The following STS variants were observed in gnomAD, a reference collection of about 807,000 sequenced individuals.
STS encodes the protein steroid sulfatase, also known as steryl-sulfatase.
Under a neutral mutation model 26.8 loss-of-function variants are expected in STS, and 7 were observed. That is an observed-to-expected ratio of 0.26 (90% CI 0.15 to 0.49). STS has a LOEUF of 0.49. Ranked by LOEUF, STS falls within the 20% of genes least tolerant of loss-of-function variation. STS has a pLI of 0.98. For synonymous variants in STS, 199 were observed against 189.4 expected (o/e 1.05, Z -0.42); for missense variants, 434 against 465.6 (o/e 0.93, Z 0.63).
chrX:7,170,371 T>C (rs1461015462), intron 1 of STS, among the ~76,000 whole-genome samples: 1 of 111,366 alleles, frequency 9.0e-6, no homozygotes, highest in East Asian at 2.8e-4. Flanking sequence ...AATCAAAACA[T>C]TCAATTGTAC....
chrX:7,278,699 G>A (rs1218484698), intron 7 of STS, among the ~76,000 whole-genome samples: 1 of 111,506 alleles, frequency 9.0e-6, no homozygotes, highest in Non-Finnish European at 1.9e-5. Context: ...ACCACACAAG[G>A]GCAGTTGAAA....
intron 10 of STS, among the ~76,000 whole-genome samples, chrX:7,345,807 G>A (rs1240023068): frequency 2.7e-5 from 3 of 112,099 alleles, no homozygotes; most frequent in East Asian, 2.8e-4. Context: ...ACTCCAAGAC[G>A]TTAAGAGGGA....
At chrX:7,246,760 C>T (rs1280117054) in intron 2 of STS, among the ~76,000 whole-genome samples, 1 of 112,163 alleles carries the variant, frequency 8.9e-6, no homozygotes, top group African/African-American at 3.2e-5. Context: ...TAGTTACACT[C>T]TCAGTCTGTG....
chrX:7,191,613 G>A (rs764814072), intron 2 of STS, among the ~76,000 whole-genome samples: 58 of 111,453 alleles, frequency 5.2e-4, no homozygotes, highest in Non-Finnish European at 9.6e-4. Context: ...GAAGGTTGAG[G>A]GTATATCCAG....
At chrX:7,222,107 C>A (rs959446792) in intron 2 of STS, among the ~76,000 whole-genome samples, 6 of 111,643 alleles carry the variant, frequency 5.4e-5, no homozygotes, top group African/African-American at 1.6e-4. Flanking sequence ...AACCAGGAAG[C>A]AAGTCCTCAC....
At chrX:7,235,794 A>T (rs532741264) in intron 2 of STS, among the ~76,000 whole-genome samples, 1 of 111,722 alleles carries the variant, frequency 9.0e-6, no homozygotes, top group South Asian at 3.7e-4. Context: ...TGAAAAACAT[A>T]GGGAAATTAA....
At chrX:7,206,329 T>C (rs1427715774) in intron 2 of STS, among the ~76,000 whole-genome samples, 2 of 112,410 alleles carry the variant, frequency 1.8e-5, no homozygotes, top group African/African-American at 6.5e-5. Context: ...CAGTTCTCTT[T>C]GAGATGTCCT....
chrX:7,206,399 A>G (rs764627109), intron 2 of STS, among the ~76,000 whole-genome samples: 1 of 112,068 alleles, frequency 8.9e-6, no homozygotes, highest in South Asian at 3.7e-4. Flanking sequence ...CGCATGCCCA[A>G]AAGTTCTATT....
rs202100721 is a variant in STS at position 7,340,056 on chromosome X, CA to C, written c.1363+5965del. Among the ~76,000 whole-genome samples, 528 of 55,714 alleles carry C rather than the reference CA, an allele frequency of 9.5e-3. 4 individuals are homozygous for C. The highest frequency in any genetic ancestry group is 0.02 in the African/African-American group (292 of 14,694). 48.4% of individuals were successfully genotyped at this position (55,714 alleles called of 115,157 possible). ...AAAATTGAATTTTCTTTCTTGAATACAAAAAAAAAAAAAAAAGCGCCAAAAA... is the reference window on the plus strand; with the variant it reads ...AAAATTGAATTTTCTTTCTTGAATACAAAAAAAAAAAAAAAGCGCCAAAAA... On this transcript the variant is annotated intron_variant, in intron 10 of 10. Coordinates refer to ENST00000674429, the MANE Select transcript of STS (RefSeq NM_001320752.2).
At chrX:7,192,443 A>C (rs1401974723) in intron 2 of STS, among the ~76,000 whole-genome samples, 2 of 111,588 alleles carry the variant, frequency 1.8e-5, no homozygotes, top group African/African-American at 6.5e-5. Flanking sequence ...ATGCACCTGT[A>C]GTACCAGCTA....
intron 1 of STS, among the ~76,000 whole-genome samples, chrX:7,168,787 G>A (rs138088287): frequency 9.0e-6 from 1 of 111,599 alleles, no homozygotes; most frequent in East Asian, 2.8e-4. Flanking sequence ...CAGCACAGAT[G>A]CCTGGGTCTG....
intron 2 of STS, among the ~76,000 whole-genome samples, chrX:7,244,389 C>T (rs1176672489): frequency 9.0e-6 from 1 of 111,642 alleles, no homozygotes; most frequent in East Asian, 2.8e-4. Flanking sequence ...CTGTTAACAC[C>T]GAAGATGTAC....
chrX:7,209,243 A>G (rs1920975168), intron 2 of STS, among the ~76,000 whole-genome samples: 1 of 110,954 alleles, frequency 9.0e-6, no homozygotes, highest in African/African-American at 3.3e-5. Flanking sequence ...CAGATCTTCC[A>G]TAGCAGGTAA....
At position 7,309,567 on chromosome X, in the gene STS, T is replaced by TA. The variant is rs746723991; in HGVS notation, c.1081+4387dup. Among the ~76,000 whole-genome samples, 218 of 95,670 alleles carry TA rather than the reference T, an allele frequency of 2.3e-3. 1 individual carries two copies. The highest frequency in any genetic ancestry group is 0.016 in the Middle Eastern group (3 of 185). The allele number at this position is 95,670 out of a possible 115,157, so 83.1% of individuals were successfully genotyped here. On this transcript the variant is annotated intron_variant, in intron 8 of 10. Transcript: ENST00000674429. The stretch of plus-strand genomic sequence containing the variant: ...CTAAAATAAGTTAAACATAAATAAA[T>TA]AAATAAAATAAAATATACCAGACTT...
At chrX:7,268,733 C>A (rs1482936715) in intron 6 of STS, among the ~76,000 whole-genome samples, 1 of 111,546 alleles carries the variant, frequency 9.0e-6, no homozygotes, top group Non-Finnish European at 1.9e-5. Context: ...ATGAGGGCAA[C>A]GGGCACAGTG....
intron 7 of STS, among the ~76,000 whole-genome samples, chrX:7,287,932 G>A (rs973537796): frequency 1.8e-5 from 2 of 110,154 alleles, no homozygotes; most frequent in African/African-American, 6.6e-5. Flanking sequence ...TAGCAACCCT[G>A]GATATTATCA....
chrX:7,325,502 C>T lies in STS; in HGVS notation c.1241+4C>T. On this transcript the variant is annotated splice_donor_region_variant and intron_variant, in intron 9 of 10. Coordinates refer to ENST00000674429, the MANE Select transcript of STS (RefSeq NM_001320752.2). ...GAGCTCCCTTGCCTGAGGACAGGTACTCTGATGCCAGGGTGGTTGGTATTG... is the reference window on the plus strand; with the variant it reads ...GAGCTCCCTTGCCTGAGGACAGGTATTCTGATGCCAGGGTGGTTGGTATTG... 1 of 1,210,624 alleles carries T rather than the reference C, an allele frequency of 8.3e-7. No homozygotes were observed. The highest frequency in any genetic ancestry group is 1.1e-6 in the Non-Finnish European group (1 of 894,988).
chrX:7,261,007 A>G (rs1324985066), intron 6 of STS, among the ~76,000 whole-genome samples: 2 of 110,853 alleles, frequency 1.8e-5, no homozygotes, highest in Non-Finnish European at 3.8e-5. Context: ...GGTAGGTATA[A>G]TATATATCTA....
At chrX:7,214,215 C>CT (rs1921144323) in intron 2 of STS, among the ~76,000 whole-genome samples, 1 of 112,516 alleles carries the variant, frequency 8.9e-6, no homozygotes, top group South Asian at 3.7e-4. Flanking sequence ...AACATGTTCC[C>CT]TTTTTCTGCT....
Sources: allele counts gnomAD v4.1 joint callset (sites outside exome capture counted in the v4.1 genomes callset), GRCh38; gene constraint gnomAD v4.1.1; transcripts MANE v1.5; gene names NCBI Gene and HGNC (gene_info 2026-07-23, HGNC 2026-07-21).